CCDC88C: variants seen among roughly 807,000 people sequenced by gnomAD.
CCDC88C encodes the protein coiled-coil and HOOK domain protein 88C.
CCDC88C carries 131 observed loss-of-function variants against 198.8 expected under a neutral mutation model. The observed-to-expected ratio is 0.66, with a 90% CI of 0.57 to 0.76. The LOEUF is 0.76. CCDC88C is among the 30% of genes least tolerant of loss of function. The probability of loss-of-function intolerance (pLI) is 0.00; values close to 1 mark genes in which losing one functional copy is unlikely to be tolerated. For synonymous variants in CCDC88C, 1,166 were observed against 1,114.7 expected, an observed-to-expected ratio of 1.05 and a Z score of -0.92; for missense variants, 2,553 against 2,631.6, an observed-to-expected ratio of 0.97 and a Z score of 0.65.
At chr14:91,364,185 T>C (rs1172065514) in intron 3 of CCDC88C, among the ~76,000 whole-genome samples, 3 of 152,196 alleles carry the variant, frequency 2.0e-5, no homozygotes, top group Non-Finnish European at 4.4e-5. Context: ...TGTGGTCTGA[T>C]GGACAGGGAA....
At chr14:91,390,375 AGG>A (rs1885432797) in intron 3 of CCDC88C, among the ~76,000 whole-genome samples, 1 of 152,192 alleles carries the variant, frequency 6.6e-6, no homozygotes, top group Non-Finnish European at 1.5e-5. Flanking sequence ...CAGACTGGAG[AGG>A]GTGGGGACTC....
At chr14:91,372,195 G>A (rs1894837354) in intron 3 of CCDC88C, among the ~76,000 whole-genome samples, 1 of 152,076 alleles carries the variant, frequency 6.6e-6, no homozygotes, top group African/African-American at 2.4e-5. Context: ...TGGCATGCCA[G>A]TTGGGAGGTG....
chr14:91,289,029 G>C (rs576898017), intron 25 of CCDC88C, 76 bp downstream of exon 25: 552 of 1,239,844 alleles, frequency 4.5e-4, no homozygotes, highest in Middle Eastern at 1.3e-3. Flanking sequence ...CTGCACACGT[G>C]TGCACAGCCA....
At chr14:91,342,592 G>A (rs754694465) in intron 5 of CCDC88C, 129 bp from the exon 6 acceptor site, 2 of 692,572 alleles carry the variant, frequency 2.9e-6, no homozygotes, top group Non-Finnish European at 2.6e-6. Flanking sequence ...AACTAAGAAC[G>A]CTCTTGTCCT....
In CCDC88C at chr14:91,417,744, C is replaced by CGCGCCGCGGCACAACACG; in HGVS notation, c.-55_-54insCGTGTTGTGCCGCGGCGC. On this transcript the variant is annotated 5_prime_UTR_variant, in exon 1 of 30. Transcript: ENST00000389857. Reference sequence around the variant, plus strand: ...CCCCCGCCCCGCGTCCCCGTTCCCCCGCGCCGCGGCACAAAACGGCTCCGC... The same window carrying CGCGCCGCGGCACAACACG: ...CCCCCGCCCCGCGTCCCCGTTCCCCCGCGCCGCGGCACAACACGGCGCCGCGGCACAAAACGGCTCCGC... 7.0e-7 allele frequency: 1 copy of CGCGCCGCGGCACAACACG among 1,420,010 alleles called. No individual in the cohort carries two copies. The allele number at this position is 1,420,010 out of a possible 1,614,324, so 88.0% of individuals were successfully genotyped here. A position where few individuals can be genotyped will look rare whatever the true frequency, so the allele number is the denominator to read the frequency against.
At position 91,344,854 on chromosome 14, in the gene CCDC88C, T is replaced by C. The variant is rs1596093847; in HGVS notation, c.341-1197A>G. 2.0e-5 allele frequency among the ~76,000 whole-genome samples: 3 copies of C among 151,340 alleles called. No individual in the cohort carries two copies. In the South Asian group the frequency reaches 6.3e-4, roughly 32 times the overall value. On this transcript the variant is annotated intron_variant, in intron 4 of 29. Transcript: ENST00000389857. ...CTCTATTGCCCAGGTTGGGGTATAG[T>C]GGTGCAATCATAGCTCGCTGCAGCT...
intron 20 of CCDC88C, among the ~76,000 whole-genome samples, chr14:91,303,195 G>T (rs1009620882): frequency 2.0e-5 from 3 of 151,684 alleles, no homozygotes; most frequent in African/African-American, 7.3e-5. Context: ...CTACCCAGGG[G>T]CCCCACCTCC....
intron 3 of CCDC88C, among the ~76,000 whole-genome samples, chr14:91,399,432 C>T (rs1264461442): frequency 6.6e-6 from 1 of 152,214 alleles, no homozygotes; most frequent in Non-Finnish European, 1.5e-5. Flanking sequence ...GTCCTTCTCT[C>T]TGCTGCCGTG....
At chr14:91,408,141 G>C (rs986061368) in intron 3 of CCDC88C, 13 of 158,204 alleles carry the variant, frequency 8.2e-5, no homozygotes, top group African/African-American at 3.1e-4. Flanking sequence ...ACACAGATCA[G>C]ATGCGGTAAA....
Position 91,314,063 on chromosome 14 carries a change from T to G in CCDC88C, c.1753A>C (p.Met585Leu), listed in dbSNP as rs370758883. The G allele has an allele frequency of 2.5e-6, 4 of 1,613,804 alleles. No individual in the cohort carries two copies. The African/African-American group carries it at 5.3e-5, about 22-fold the overall frequency. Residue 585 changes from methionine (M) to leucine (L), a missense_variant, in exon 15 of 30, where the codon ATG becomes CTG. Physicochemically the swap from Met to Leu is conservative, Grantham distance 15 (BLOSUM62 2). Transcript: ENST00000389857. ...ERSQVSSEAR[M>L]KDVEKENKAL... is the part of the protein sequence containing the mutation. ...TTGTTCTCCTTCTCCACGTCTTTCA[T>G]GCGGGCCTCACTGCTGACCTGCGAC...
rs1277999331 is a variant in CCDC88C at position 91,313,629 on chromosome 14, C to G, written c.2187G>C (p.Glu729Asp). The G allele has an allele frequency of 6.2e-7, 1 of 1,612,678 alleles. No homozygotes were observed. The highest frequency in any genetic ancestry group is 1.3e-5 in the African/African-American group (1 of 74,952). ...CCTTCTCACGCTCCAGCTGCTGGTT[C>G]TCCCTCTCCATCTGTGCCAGCTTGG... ...TSTKLAQMER[E>D]NQQLEREKEE... The change falls in exon 15 of 30, where the codon GAG (glutamate) becomes GAC (aspartate). Residue 729 changes from glutamate (E) to aspartate (D), a missense_variant. Around this residue, in one of 2 missense-constraint regions of CCDC88C, gnomAD observed 1,260 missense variants for 1,412.0 expected, o/e 0.89. Transcript: ENST00000389857. The surrounding 1 kb of genome is among the most constrained non-coding windows in gnomAD (Gnocchi z 5.2).
chr14:91,368,026 C>T (rs1161747877), intron 3 of CCDC88C, among the ~76,000 whole-genome samples: 3 of 152,198 alleles, frequency 2.0e-5, no homozygotes, highest in Non-Finnish European at 4.4e-5. Context: ...CCATGTCAAT[C>T]AACTCCCCAC....
At chr14:91,401,924 A>T (rs1355917396) in intron 3 of CCDC88C, among the ~76,000 whole-genome samples, 1 of 152,198 alleles carries the variant, frequency 6.6e-6, no homozygotes, top group African/African-American at 2.4e-5. Context: ...ACACAGCCAC[A>T]AGTTTAACGT....
chr14:91,380,246 C>A (rs138205443), intron 3 of CCDC88C, among the ~76,000 whole-genome samples: 1 of 152,170 alleles, frequency 6.6e-6, no homozygotes, highest in East Asian at 1.9e-4. Flanking sequence ...TATCTTGGGG[C>A]GGCTGGACAT....
chr14:91,373,906 T>A (rs1894952973), intron 3 of CCDC88C, among the ~76,000 whole-genome samples: 1 of 152,180 alleles, frequency 6.6e-6, no homozygotes, highest in Admixed American at 6.5e-5. Flanking sequence ...TCCAATGCCT[T>A]CCTCAAACCC....
At chr14:91,292,621 T>G (rs1890711124) in intron 23 of CCDC88C, among the ~76,000 whole-genome samples, 3 of 152,118 alleles carry the variant, frequency 2.0e-5, no homozygotes, top group Admixed American at 2.0e-4. Context: ...GTGTTCACTG[T>G]GACCACAGTG....
chr14:91,381,065 T>C lies in CCDC88C; in HGVS notation c.271-21354A>G, dbSNP rs1229780090. On this transcript the variant is annotated intron_variant, in intron 3 of 29. Coordinates refer to ENST00000389857, the MANE Select transcript of CCDC88C (RefSeq NM_001080414.4). This position sits in a 1 kb window ranked among gnomAD's most constrained non-coding sequence, Gnocchi z 4.2. Reference sequence around the variant, plus strand: ...ACAAACAGGGCTGTGAAGCAGTGTGTGCCCTGGTCCACCCTCTGTTTAACC... The same window carrying C: ...ACAAACAGGGCTGTGAAGCAGTGTGCGCCCTGGTCCACCCTCTGTTTAACC... Among the ~76,000 whole-genome samples the C allele has an allele frequency of 6.6e-6, 1 of 152,128 alleles. No individual in the cohort carries two copies. The highest frequency in any genetic ancestry group is 1.5e-5 in the Non-Finnish European group (1 of 67,984).
chr14:91,406,977 C>T (rs1886520620), intron 3 of CCDC88C, among the ~76,000 whole-genome samples: 1 of 152,204 alleles, frequency 6.6e-6, no homozygotes, highest in African/African-American at 2.4e-5. Context: ...TGGTTCTAAG[C>T]TTCCCAGATG....
rs760060551 is a variant in CCDC88C, at chr14:91,337,906, G to A, written c.1050+99C>T. 2.1e-4 allele frequency: 309 copies of A among 1,441,890 alleles called. 2 individuals are homozygous for A. Among genetic ancestry groups the A allele is most frequent in the Non-Finnish European group, 2.7e-4 (283 of 1,048,562 alleles). 89.3% of individuals were successfully genotyped at this position (1,441,890 alleles called of 1,614,324 possible). A position where few individuals can be genotyped will look rare whatever the true frequency, so the allele number is the denominator to read the frequency against. On this transcript the variant is annotated intron_variant, in intron 10 of 29. Coordinates refer to ENST00000389857, the MANE Select transcript of CCDC88C (RefSeq NM_001080414.4). The stretch of plus-strand genomic sequence containing the variant: ...GGAAGCATCTGCTGAAACAGCTGTG[G>A]CTCCGCTCCTCCAAGCCCCCAAGGA...
Sources: allele counts gnomAD v4.1 joint callset (sites outside exome capture counted in the v4.1 genomes callset), GRCh38; gene constraint gnomAD v4.1.1; regional missense constraint gnomAD v4.1.1; non-coding constraint Gnocchi (gnomAD v3.1); transcripts MANE v1.5; gene names NCBI Gene and HGNC (gene_info 2026-07-23, HGNC 2026-07-21).